Variants in VWA8 observed in about 807,000 individuals in gnomAD.
VWA8 encodes von Willebrand factor A domain-containing protein 8.
In VWA8, 221 loss-of-function variants were observed where a neutral mutation model predicts 241.5. The ratio of observed to expected loss-of-function variants is 0.91; its 90% CI spans 0.82 to 1.02. The LOEUF is 1.02. VWA8 is among the 50% of genes least tolerant of loss of function. The pLI is 0.00. For missense variants in VWA8, 2,322 were observed against 2,328.7 expected (o/e 1.00, Z 0.06); for synonymous variants, 852 against 827.1 (o/e 1.03, Z -0.52).
At chr13:41,624,388 C>G (rs1278506110) in intron 37 of VWA8, among the ~76,000 whole-genome samples, 2 of 152,094 alleles carry the variant, frequency 1.3e-5, no homozygotes, top group African/African-American at 4.8e-5. Flanking sequence ...AAACTCCAGG[C>G]CAATATCCCT....
chr13:41,899,921 A>G (rs1875339206), intron 4 of VWA8, among the ~76,000 whole-genome samples: 1 of 152,164 alleles, frequency 6.6e-6, no homozygotes, highest in Non-Finnish European at 1.5e-5. Context: ...TGGGGGTACA[A>G]TCTCGAAGTA....
intron 3 of VWA8, among the ~76,000 whole-genome samples, chr13:41,909,667 C>A (rs1243523410): frequency 2.0e-5 from 3 of 152,172 alleles, no homozygotes; most frequent in Non-Finnish European, 4.4e-5. Context: ...CAGAGTTACA[C>A]CCTGAACTGC....
At chr13:41,930,613 T>C (rs1222380259) in intron 2 of VWA8, among the ~76,000 whole-genome samples, 1 of 152,120 alleles carries the variant, frequency 6.6e-6, no homozygotes, top group African/African-American at 2.4e-5. Flanking sequence ...TTTGACTGCA[T>C]GTGATAGGTC....
At position 41,881,615 on chromosome 13, in the gene VWA8, GCTC is replaced by G. The variant is rs540259850; in HGVS notation, c.1080+1769_1080+1771del. On this transcript the variant is annotated intron_variant, in intron 9 of 44. Coordinates refer to ENST00000379310, the MANE Select transcript of VWA8 (RefSeq NM_015058.2). ...GACGGGGTGGTGGCCAGGCAGAGGGGCTCCTCACTTCCCAGTAGGGGCGGCTGG... is the reference window on the plus strand; with the variant it reads ...GACGGGGTGGTGGCCAGGCAGAGGGGCTCACTTCCCAGTAGGGGCGGCTGG... Among the ~76,000 whole-genome samples the G allele has an allele frequency of 7.7e-3, 1,161 of 150,778 alleles. 13 individuals are homozygous for G. Among genetic ancestry groups the G allele is most frequent in the African/African-American group, 0.027 (1,104 of 41,030 alleles).
In VWA8 at chr13:41,614,828, G is replaced by A. The variant is rs553806838; in HGVS notation, c.4720+148C>T. 3.2e-5 allele frequency: 24 copies of A among 757,746 alleles called. No homozygotes were observed. In the South Asian group the frequency reaches 4.1e-4, roughly 13 times the overall value. The allele number at this position is 757,746 out of a possible 1,614,324, so 46.9% of individuals were successfully genotyped here. On this transcript the variant is annotated intron_variant, in intron 38 of 44. Transcript: ENST00000379310. ...TCACATGCCTTGATGTCACGCTGGG[G>A]CAGAGGGCAAGACAACAATCCAACT...
chr13:41,878,773 G>A (rs1224229952), intron 9 of VWA8, among the ~76,000 whole-genome samples: 1 of 152,064 alleles, frequency 6.6e-6, no homozygotes, highest in Non-Finnish European at 1.5e-5. Flanking sequence ...ACCAAAAAAT[G>A]AAGCAACACT....
chr13:41,696,472 T>C (rs1460047651), intron 29 of VWA8, among the ~76,000 whole-genome samples: 2 of 152,226 alleles, frequency 1.3e-5, no homozygotes, highest in Non-Finnish European at 2.9e-5. Context: ...TACTTTTTAA[T>C]TTTCAAACTA....
chr13:41,633,512 G>A (rs1365954363), intron 37 of VWA8, among the ~76,000 whole-genome samples: 2 of 152,234 alleles, frequency 1.3e-5, no homozygotes, highest in Non-Finnish European at 2.9e-5. Context: ...ATGGGGGCAA[G>A]TTAGAAAGAA....
Position 41,904,558 on chromosome 13 carries a change from G to A in VWA8, c.483+3028C>T, listed in dbSNP as rs1048402404. The stretch of plus-strand genomic sequence containing the variant: ...ACCTTGTCAATTGGGGGTGGTGTGG[G>A]GTTTACAGCACCTTTATGTGTAACT... On this transcript the variant is annotated intron_variant, in intron 4 of 44. Transcript: ENST00000379310. Among the ~76,000 whole-genome samples the A allele has an allele frequency of 1.3e-4, 20 of 151,866 alleles. 1 individual carries two copies. The highest frequency in any genetic ancestry group is 2.9e-5 in the Non-Finnish European group (2 of 67,958).
intron 2 of VWA8, among the ~76,000 whole-genome samples, chr13:41,938,387 T>C (rs1194217712): frequency 6.6e-6 from 1 of 152,068 alleles, no homozygotes; most frequent in African/African-American, 2.4e-5. Flanking sequence ...GTGCAGTGGC[T>C]CACGCCTGCA....
intron 20 of VWA8, among the ~76,000 whole-genome samples, chr13:41,766,983 C>G (rs910265858): frequency 1.3e-5 from 2 of 152,182 alleles, no homozygotes; most frequent in African/African-American, 4.8e-5. Flanking sequence ...AAATCCAGAT[C>G]TTTTCTTCAG....
At chr13:41,593,569 G>A (rs1426419416) in intron 40 of VWA8, among the ~76,000 whole-genome samples, 1 of 152,162 alleles carries the variant, frequency 6.6e-6, no homozygotes. Context: ...ACCAGTGATT[G>A]GGACTTAGCT....
intron 12 of VWA8, among the ~76,000 whole-genome samples, chr13:41,840,621 T>G (rs769973251): frequency 4.6e-5 from 7 of 151,962 alleles, no homozygotes; most frequent in African/African-American, 1.7e-4. Flanking sequence ...TTGCCAGATA[T>G]GGTGGTGCAC....
chr13:41,579,877 T>C (rs1222258106), intron 42 of VWA8, among the ~76,000 whole-genome samples: 1 of 152,222 alleles, frequency 6.6e-6, no homozygotes, highest in Non-Finnish European at 1.5e-5. Flanking sequence ...AGACAGGGTC[T>C]TGCTCATTGG....
At chr13:41,711,379 T>C (rs2137837668) in intron 26 of VWA8, among the ~76,000 whole-genome samples, 1 of 152,306 alleles carries the variant, frequency 6.6e-6, no homozygotes, top group South Asian at 2.1e-4. Context: ...CACCTTCTCT[T>C]TGTCCTCAGT....
At chr13:41,853,157 G>T (rs1872591772) in intron 12 of VWA8, among the ~76,000 whole-genome samples, 2 of 152,106 alleles carry the variant, frequency 1.3e-5, no homozygotes, top group Admixed American at 1.3e-4. Flanking sequence ...GCTTTAGCTA[G>T]GACTTTCAAT....
chr13:41,584,481 C>T (rs1322934492), intron 42 of VWA8, among the ~76,000 whole-genome samples: 1 of 152,098 alleles, frequency 6.6e-6, no homozygotes, highest in Non-Finnish European at 1.5e-5. Flanking sequence ...ACCCAGGTAT[C>T]AATTTTTCTG....
chr13:41,909,288 G>A (rs1448203760), intron 3 of VWA8, among the ~76,000 whole-genome samples: 2 of 152,176 alleles, frequency 1.3e-5, no homozygotes, highest in Non-Finnish European at 2.9e-5. Context: ...TCGAACTCTT[G>A]ACTTCAAGTG....
chr13:41,613,939 A>G (rs1053675805), intron 38 of VWA8, among the ~76,000 whole-genome samples: 3 of 152,322 alleles, frequency 2.0e-5, no homozygotes, highest in Non-Finnish European at 4.4e-5. Context: ...TGTAGCCTCA[A>G]TCTGGACAGA....
Sources: allele counts gnomAD v4.1 joint callset (sites outside exome capture counted in the v4.1 genomes callset), GRCh38; gene constraint gnomAD v4.1.1; transcripts MANE v1.5; gene names NCBI Gene and HGNC (gene_info 2026-07-23, HGNC 2026-07-21).